SYNPR: variants seen among roughly 807,000 people sequenced by gnomAD.
SYNPR encodes synaptoporin.
A neutral mutation model predicts 32.9 loss-of-function variants in SYNPR; 23 were observed. That is an observed-to-expected ratio of 0.70 (90% confidence interval 0.50 to 0.99). The LOEUF is 0.99. SYNPR is among the 50% of genes least tolerant of loss of function. The pLI, the probability that SYNPR is intolerant of heterozygous loss-of-function variation, is 0.00. For synonymous variants in SYNPR, 146 were observed against 135.9 expected (o/e 1.07, Z -0.52); for missense variants, 318 against 349.3 (o/e 0.91, Z 0.71).
intron 2 of SYNPR, among the ~76,000 whole-genome samples, chr3:63,292,949 C>T (rs1023076033): frequency 6.6e-6 from 1 of 152,134 alleles, no homozygotes; most frequent in Non-Finnish European, 1.5e-5. Context: ...GATCAGCATC[C>T]CAGACACACC....
chr3:63,450,123 G>A (rs565035547), intron 2 of SYNPR, among the ~76,000 whole-genome samples: 2 of 152,264 alleles, frequency 1.3e-5, no homozygotes, highest in South Asian at 2.1e-4. Context: ...TTCTTACTCA[G>A]CATTTATTAG....
chr3:63,528,600 T>TA (rs1443609462), intron 3 of SYNPR, among the ~76,000 whole-genome samples: 50 of 152,096 alleles, frequency 3.3e-4, no homozygotes, highest in Admixed American at 3.3e-3. Flanking sequence ...TATTCACACT[T>TA]ACTATTCTTC....
At chr3:63,387,660 G>C (rs931872140) in intron 2 of SYNPR, among the ~76,000 whole-genome samples, 1 of 152,200 alleles carries the variant, frequency 6.6e-6, no homozygotes, top group Non-Finnish European at 1.5e-5. Context: ...AGCTACAGAG[G>C]TCAAGTTGAA....
At chr3:63,588,812 G>A (rs575813926) in intron 4 of SYNPR, among the ~76,000 whole-genome samples, 3 of 152,124 alleles carry the variant, frequency 2.0e-5, no homozygotes, top group Non-Finnish European at 4.4e-5. Context: ...ACATTTAATT[G>A]TGTGAACTGA....
chr3:63,294,852 T>C (rs894277006), intron 2 of SYNPR, among the ~76,000 whole-genome samples: 1 of 152,172 alleles, frequency 6.6e-6, no homozygotes, highest in African/African-American at 2.4e-5. Flanking sequence ...GCATATTCAG[T>C]ACTTTTCTGA....
intron 2 of SYNPR, among the ~76,000 whole-genome samples, chr3:63,377,997 T>A (rs2087916603): frequency 6.6e-6 from 1 of 151,920 alleles, no homozygotes. Flanking sequence ...TAAATTCATA[T>A]TGCATTTATT....
chr3:63,357,324 C>T (rs989726736), intron 2 of SYNPR, among the ~76,000 whole-genome samples: 3 of 152,096 alleles, frequency 2.0e-5, no homozygotes, highest in Admixed American at 2.0e-4. Flanking sequence ...GGAGCATGGC[C>T]TTTCTCTCTC....
chr3:63,351,965 G>C (rs931824476), intron 2 of SYNPR, among the ~76,000 whole-genome samples: 1 of 152,264 alleles, frequency 6.6e-6, no homozygotes, highest in Admixed American at 6.5e-5. Context: ...TCGGCAGCAT[G>C]GGTGCTGTGG....
intron 4 of SYNPR, among the ~76,000 whole-genome samples, chr3:63,591,055 C>T (rs1294345394): frequency 1.3e-5 from 2 of 148,776 alleles, no homozygotes; most frequent in African/African-American, 5.0e-5. Flanking sequence ...GCAACCTACT[C>T]ATCTGACAAA....
Position 63,538,656 on chromosome 3 carries a change from C to T in SYNPR, c.210-17887C>T, listed in dbSNP as rs181863046. Among the ~76,000 whole-genome samples, 175 of 152,124 alleles carry T rather than the reference C, an allele frequency of 1.2e-3. 1 individual carries two copies. Among genetic ancestry groups the T allele is most frequent in the African/African-American group, 4.1e-3 (170 of 41,498 alleles). On this transcript the variant is annotated intron_variant, in intron 3 of 5. Transcript: ENST00000478300. Reference sequence around the variant, plus strand: ...GTTTCTGCTTGCCATCCTGTGCCCCCACCATCAGCAAGAGAAGGCTTCCTC... The same window carrying T: ...GTTTCTGCTTGCCATCCTGTGCCCCTACCATCAGCAAGAGAAGGCTTCCTC...
chr3:63,378,393 C>A (rs2087920777), intron 2 of SYNPR, among the ~76,000 whole-genome samples: 1 of 151,940 alleles, frequency 6.6e-6, no homozygotes, highest in East Asian at 1.9e-4. Flanking sequence ...TGCTCTGCCA[C>A]CATTCATTGA....
intron 4 of SYNPR, among the ~76,000 whole-genome samples, chr3:63,600,497 T>C (rs1314927650): frequency 6.6e-6 from 1 of 152,186 alleles, no homozygotes; most frequent in African/African-American, 2.4e-5. Context: ...CTCAGGTTTA[T>C]GCTTAATATG....
intron 3 of SYNPR, among the ~76,000 whole-genome samples, chr3:63,515,580 C>G (rs1252533107): frequency 3.3e-5 from 5 of 151,982 alleles, no homozygotes; most frequent in Non-Finnish European, 5.9e-5. Flanking sequence ...CCCTATGTTG[C>G]CTGCTAATGG....
Position 63,560,530 on chromosome 3 carries a change from A to T in SYNPR, c.408+3789A>T, listed in dbSNP as rs78938882. The stretch of plus-strand genomic sequence containing the variant: ...CAATAATTTTGCTTGTTTAAAACCC[A>T]TCCTCTTTATTCACAAAGATGGCTA... On this transcript the variant is annotated intron_variant, in intron 4 of 5. Coordinates refer to ENST00000478300, the MANE Select transcript of SYNPR (RefSeq NM_001130003.2). Among the ~76,000 whole-genome samples the T allele has an allele frequency of 2.1e-3, 322 of 152,302 alleles. 10 individuals carry two copies. The East Asian group carries it at 0.057, about 27-fold the overall frequency.
intron 2 of SYNPR, among the ~76,000 whole-genome samples, chr3:63,310,911 C>T (rs966891553): frequency 1.3e-5 from 2 of 151,948 alleles, no homozygotes; most frequent in African/African-American, 4.8e-5. Flanking sequence ...AACACTTATC[C>T]CAATGTGGTA....
At chr3:63,219,115 A>C in the SYNPR span, among the ~76,000 whole-genome samples, 1 of 152,234 alleles carries the variant, frequency 6.6e-6, no homozygotes, top group Non-Finnish European at 1.5e-5. Context: ...AAGAAGTGGC[A>C]GAGACTAATG....
At chr3:63,583,071 T>G (rs1235246579) in intron 4 of SYNPR, among the ~76,000 whole-genome samples, 3 of 152,038 alleles carry the variant, frequency 2.0e-5, no homozygotes, top group Non-Finnish European at 4.4e-5. Context: ...AGTGGAAAGT[T>G]ACAGACTGAG....
At chr3:63,255,317 T>G (rs527637645) in intron 2 of SYNPR, among the ~76,000 whole-genome samples, 2 of 152,290 alleles carry the variant, frequency 1.3e-5, no homozygotes, top group South Asian at 4.1e-4. Context: ...CACAACACTC[T>G]GGGACATAAT....
chr3:63,420,050 G>A (rs1391920456), intron 2 of SYNPR, among the ~76,000 whole-genome samples: 3 of 152,108 alleles, frequency 2.0e-5, no homozygotes, highest in African/African-American at 4.8e-5. Context: ...TATGTAAAAT[G>A]TTATTTATGC....
Sources: gnomAD v4.1 joint callset for allele counts (sites outside exome capture counted in the v4.1 genomes callset) on GRCh38, gnomAD v4.1.1 for gene constraint, MANE v1.5 for transcripts, NCBI Gene and HGNC (gene_info 2026-07-23, HGNC 2026-07-21) for gene names.